Variants in CNTN5 observed in about 807,000 individuals in gnomAD.
CNTN5 encodes the protein contactin 5.
Under a neutral mutation model 129.1 loss-of-function variants are expected in CNTN5, and 77 were observed. That is an observed-to-expected ratio of 0.60 (90% CI 0.50 to 0.72). The LOEUF (loss-of-function observed/expected upper bound fraction) is 0.72. Ranked by LOEUF, CNTN5 falls within the 30% of genes least tolerant of loss-of-function variation. The probability of loss-of-function intolerance (pLI) is 0.00; values close to 1 mark genes in which losing one functional copy is unlikely to be tolerated. For synonymous variants in CNTN5, 509 were observed against 465.6 expected, an observed-to-expected ratio of 1.09 and a Z score of -1.20; for missense variants, 1,478 against 1,328.8, an observed-to-expected ratio of 1.11 and a Z score of -1.75.
intron 13 of CNTN5, among the ~76,000 whole-genome samples, chr11:100,138,571 A>T (rs1352981969): frequency 6.6e-6 from 1 of 152,088 alleles, no homozygotes; most frequent in Non-Finnish European, 1.5e-5. Context: ...TTCATTTAAG[A>T]AACAGCAAAC....
intron 13 of CNTN5, among the ~76,000 whole-genome samples, chr11:100,182,288 A>G (rs1424242691): frequency 6.6e-6 from 1 of 152,078 alleles, no homozygotes; most frequent in African/African-American, 2.4e-5. Context: ...GAGGCTGTGA[A>G]GTCCAGGATC....
At chr11:100,328,078 T>C (rs1291574253) in intron 21 of CNTN5, among the ~76,000 whole-genome samples, 1 of 151,984 alleles carries the variant, frequency 6.6e-6, no homozygotes, top group Non-Finnish European at 1.5e-5. Flanking sequence ...AGGCCAGGCA[T>C]GATAGCTCAC....
intron 6 of CNTN5, among the ~76,000 whole-genome samples, chr11:99,901,835 C>A (rs913290381): frequency 1.3e-5 from 2 of 152,022 alleles, no homozygotes; most frequent in African/African-American, 4.8e-5. Context: ...CATATGCTAC[C>A]TTTTTATGTT....
At chr11:100,121,211 T>C (rs1226480625) in intron 13 of CNTN5, among the ~76,000 whole-genome samples, 2 of 151,934 alleles carry the variant, frequency 1.3e-5, no homozygotes, top group African/African-American at 4.8e-5. Flanking sequence ...AAGAGGAATT[T>C]TGAAAAGGAG....
chr11:99,476,912 G>A (rs569319844), intron 2 of CNTN5, among the ~76,000 whole-genome samples: 24 of 151,866 alleles, frequency 1.6e-4, no homozygotes, highest in African/African-American at 4.8e-4. Context: ...ATCTCTTCCC[G>A]TTTCCTAAGT....
chr11:99,846,983 T>C (rs1326778062), intron 6 of CNTN5, among the ~76,000 whole-genome samples: 2 of 152,200 alleles, frequency 1.3e-5, no homozygotes, highest in Non-Finnish European at 2.9e-5. Context: ...TATGCACAAT[T>C]AATCAAGTAG....
intron 3 of CNTN5, among the ~76,000 whole-genome samples, chr11:99,623,839 C>A (rs1265263035): frequency 6.6e-6 from 1 of 151,400 alleles, no homozygotes; most frequent in African/African-American, 2.4e-5. Context: ...TATTGGGGTG[C>A]GTAGTAACCT....
chr11:99,587,728 T>G (rs1276910255), intron 3 of CNTN5, among the ~76,000 whole-genome samples: 1 of 148,842 alleles, frequency 6.7e-6, no homozygotes. Context: ...AAAGTAATGA[T>G]CAGCTTAAAA....
intron 13 of CNTN5, among the ~76,000 whole-genome samples, chr11:100,178,039 A>G (rs1948025037): frequency 6.6e-6 from 1 of 152,102 alleles, no homozygotes; most frequent in Non-Finnish European, 1.5e-5. Flanking sequence ...AGAGAGTACC[A>G]TTATTTATGA....
intron 6 of CNTN5, among the ~76,000 whole-genome samples, chr11:99,897,403 G>A (rs992411773): frequency 2.0e-5 from 3 of 152,058 alleles, no homozygotes; most frequent in African/African-American, 2.4e-5. Context: ...TAGAGAAAAG[G>A]TTCAAATCAT....
intron 2 of CNTN5, among the ~76,000 whole-genome samples, chr11:99,403,344 G>A (rs998085470): frequency 6.6e-6 from 1 of 151,854 alleles, no homozygotes; most frequent in African/African-American, 2.4e-5. Context: ...TTGATCTTTT[G>A]TATTATTTTC....
intron 19 of CNTN5, 86 bp downstream of exon 19, chr11:100,297,781 C>T (rs1951127632): frequency 2.9e-6 from 3 of 1,019,314 alleles, no homozygotes; most frequent in African/African-American, 1.6e-5. Context: ...TTAAGCAGTC[C>T]ACTTGATTCA....
At chr11:100,284,989 G>C (rs1950738529) in intron 18 of CNTN5, among the ~76,000 whole-genome samples, 1 of 152,120 alleles carries the variant, frequency 6.6e-6, no homozygotes, top group South Asian at 2.1e-4. Flanking sequence ...TTTAAGGCTT[G>C]AATTTCTCAC....
intron 13 of CNTN5, among the ~76,000 whole-genome samples, chr11:100,143,195 G>GT (rs984917043): frequency 1.3e-5 from 2 of 152,038 alleles, no homozygotes; most frequent in East Asian, 1.9e-4. Flanking sequence ...CTAGTTTTAT[G>GT]TTTTTTTTCT....
At chr11:99,026,542 C>T (rs1863113632) in intron 1 of CNTN5, among the ~76,000 whole-genome samples, 1 of 151,442 alleles carries the variant, frequency 6.6e-6, no homozygotes, top group Admixed American at 6.6e-5. Context: ...AGAGTTCATG[C>T]TAAAATAACC....
In CNTN5 at chr11:100,356,215, TG is replaced by T; in HGVS notation, c.3300del (p.Trp1100CysfsTer5). The T allele has an allele frequency of 6.2e-7, 1 of 1,600,334 alleles. No individual in the cohort carries two copies. The highest frequency in any genetic ancestry group is 1.7e-5 in the Admixed American group (1 of 59,188). On this transcript the variant is annotated frameshift_variant, in exon 25 of 25. Coordinates refer to ENST00000524871, the MANE Select transcript of CNTN5 (RefSeq NM_014361.4). LOFTEE classifies it high-confidence loss of function. The part of the protein sequence containing the change: ...LLALMIPSTS[W>X] ...GGCATTGATGATTCCTTCAACTTCCTGGTGAAAACTGCTGACTTAATTTGCT... is the reference window on the plus strand; with the variant it reads ...GGCATTGATGATTCCTTCAACTTCCTGTGAAAACTGCTGACTTAATTTGCT...
chr11:100,240,092 G>A (rs1190662976), intron 16 of CNTN5, among the ~76,000 whole-genome samples: 1 of 152,114 alleles, frequency 6.6e-6, no homozygotes, highest in Non-Finnish European at 1.5e-5. Context: ...CAAAACTTCA[G>A]CTCACAGATG....
At chr11:99,817,396 C>T (rs926791885) in intron 3 of CNTN5, among the ~76,000 whole-genome samples, 5 of 152,178 alleles carry the variant, frequency 3.3e-5, no homozygotes, top group African/African-American at 1.2e-4. Context: ...TATGGAGTGG[C>T]ACAAGCCCAT....
intron 2 of CNTN5, among the ~76,000 whole-genome samples, chr11:99,493,836 A>G (rs571670684): frequency 6.6e-6 from 1 of 152,142 alleles, no homozygotes; most frequent in South Asian, 2.1e-4. Context: ...TCTCATTATT[A>G]TAAATACAAT....
Sources: gnomAD v4.1 joint callset for allele counts (sites outside exome capture counted in the v4.1 genomes callset) on GRCh38, gnomAD v4.1.1 for gene constraint, MANE v1.5 for transcripts, NCBI Gene and HGNC (gene_info 2026-07-23, HGNC 2026-07-21) for gene names.